Variants in CSRNP3 observed in about 807,000 individuals in gnomAD.
The protein encoded by CSRNP3 is cysteine and serine rich nuclear protein 3.
CSRNP3 carries 12 observed loss-of-function variants against 48.0 expected under a neutral mutation model. That is an observed-to-expected ratio of 0.25 (90% CI 0.16 to 0.41). CSRNP3 has a LOEUF of 0.41. Ranked by LOEUF, CSRNP3 falls within the 10% of genes least tolerant of loss-of-function variation. The pLI is 1.00. For missense variants in CSRNP3, 580 were observed against 724.4 expected (o/e 0.80, Z 2.29); for synonymous variants, 263 against 269.7 (o/e 0.98, Z 0.24).
At position 165,666,773 on chromosome 2, in the gene CSRNP3, GAGAA is replaced by G. The variant is rs775410536; in HGVS notation, c.408+8756_408+8759del. Among the ~76,000 whole-genome samples the G allele has an allele frequency of 1.6e-3, 224 of 139,990 alleles. 2 individuals are homozygous for G. The East Asian group carries it at 0.038, about 24-fold the overall frequency. 91.8% of individuals were successfully genotyped at this position (139,990 alleles called of 152,430 possible). On this transcript the variant is annotated intron_variant, in intron 5 of 6. Coordinates refer to ENST00000651982, the MANE Select transcript of CSRNP3 (RefSeq NM_001172173.2). ...GGAAGGAGAGAGAGGAAGAAAGAAAGAGAAAGGAAGGCAGGAAGGAAAGAGAGAG... is the reference window on the plus strand; with the variant it reads ...GGAAGGAGAGAGAGGAAGAAAGAAAGAGGAAGGCAGGAAGGAAAGAGAGAG...
At chr2:165,476,335 T>C (rs1683962516) in intron 1 of CSRNP3, among the ~76,000 whole-genome samples, 1 of 152,198 alleles carries the variant, frequency 6.6e-6, no homozygotes, top group Admixed American at 6.5e-5. Context: ...GGGTTTACTA[T>C]GCCTCAGGGT....
chr2:165,579,954 A>G (rs1226679617), intron 3 of CSRNP3, among the ~76,000 whole-genome samples: 3 of 118,326 alleles, frequency 2.5e-5, no homozygotes, highest in Non-Finnish European at 4.8e-5. Context: ...TTTGAGACAG[A>G]GTCTCACTCT....
At chr2:165,622,888 C>T (rs1230396990) in intron 4 of CSRNP3, among the ~76,000 whole-genome samples, 1 of 152,042 alleles carries the variant, frequency 6.6e-6, no homozygotes, top group Admixed American at 6.6e-5. Context: ...TACTAGTCTC[C>T]ATTACAGTCT....
At position 165,685,760 on chromosome 2, in the gene CSRNP3, T is replaced by G. The variant is rs1687621351; in HGVS notation, c.*6007T>G. Reference sequence around the variant, plus strand: ...TCACTGTGTCACTTTATGTCATCTCTCATAAAAGTTTCTGGCAGGACTAAA... The same window carrying G: ...TCACTGTGTCACTTTATGTCATCTCGCATAAAAGTTTCTGGCAGGACTAAA... On this transcript the variant is annotated 3_prime_UTR_variant, in exon 7 of 7. Coordinates refer to ENST00000651982, the MANE Select transcript of CSRNP3 (RefSeq NM_001172173.2). 2 of 152,082 alleles carry G rather than the reference T, an allele frequency of 1.3e-5. No homozygotes were observed. The highest frequency in any genetic ancestry group is 4.1e-4 in the South Asian group (2 of 4,832). 9.4% of individuals were successfully genotyped at this position (152,082 alleles called of 1,614,324 possible).
intron 3 of CSRNP3, among the ~76,000 whole-genome samples, chr2:165,533,507 A>G (rs924313527): frequency 1.1e-4 from 16 of 152,192 alleles, no homozygotes; most frequent in South Asian, 2.1e-4. Context: ...AAGCTGCTCC[A>G]TGCTCACATT....
intron 6 of CSRNP3, among the ~76,000 whole-genome samples, chr2:165,677,117 G>A (rs1384568357): frequency 1.3e-5 from 2 of 152,200 alleles, no homozygotes; most frequent in Admixed American, 1.3e-4. Context: ...GGCCCACTGG[G>A]TTACTTTCTT....
At chr2:165,629,567 G>T (rs1156855558) in intron 4 of CSRNP3, among the ~76,000 whole-genome samples, 1 of 152,172 alleles carries the variant, frequency 6.6e-6, no homozygotes, top group African/African-American at 2.4e-5. Context: ...GGCATCACAG[G>T]TATGCGACTT....
At chr2:165,493,996 T>C (rs921505291) in intron 1 of CSRNP3, among the ~76,000 whole-genome samples, 11 of 152,162 alleles carry the variant, frequency 7.2e-5, no homozygotes, top group African/African-American at 2.7e-4. Flanking sequence ...TAGTGATTCA[T>C]CTAAATTGAT....
intron 4 of CSRNP3, among the ~76,000 whole-genome samples, chr2:165,620,524 G>A (rs1686321737): frequency 6.6e-6 from 1 of 152,004 alleles, no homozygotes; most frequent in African/African-American, 2.4e-5. Flanking sequence ...TTAGAAATAA[G>A]GAAATGTCTA....
rs185779363 is a variant in CSRNP3, at chr2:165,586,006, C to G, written c.-23-9037C>G. On this transcript the variant is annotated intron_variant, in intron 3 of 6. Transcript: ENST00000651982. ...GTGATGGAATAAGGATCCTACGGAT[C>G]AGATGAACCCAGGACTCACAGCTCA... Among the ~76,000 whole-genome samples the G allele has an allele frequency of 4.9e-3, 742 of 152,270 alleles. 3 individuals are homozygous for G. The highest frequency in any genetic ancestry group is 0.01 in the Middle Eastern group (3 of 294).
intron 3 of CSRNP3, among the ~76,000 whole-genome samples, chr2:165,547,874 C>T (rs952956688): frequency 1.3e-5 from 2 of 152,058 alleles, no homozygotes; most frequent in East Asian, 3.9e-4. Context: ...ATAATGACCT[C>T]AAGTTACCCA....
At chr2:165,589,011 G>T (rs908573314) in intron 3 of CSRNP3, among the ~76,000 whole-genome samples, 9 of 152,216 alleles carry the variant, frequency 5.9e-5, no homozygotes, top group South Asian at 4.2e-4. Flanking sequence ...GTAATGTTTG[G>T]CACATTTTCA....
intron 1 of CSRNP3, among the ~76,000 whole-genome samples, chr2:165,485,974 A>G (rs1684107272): frequency 6.6e-6 from 1 of 152,176 alleles, no homozygotes; most frequent in African/African-American, 2.4e-5. Flanking sequence ...GCTCTGGTCT[A>G]CAGCTCCCAG....
chr2:165,657,206 C>T (rs1687019072), intron 4 of CSRNP3, among the ~76,000 whole-genome samples: 1 of 152,022 alleles, frequency 6.6e-6, no homozygotes, highest in African/African-American at 2.4e-5. Flanking sequence ...CATGGGTATC[C>T]CAGTGCTTAT....
At chr2:165,513,019 C>T (rs920865700) in intron 2 of CSRNP3, among the ~76,000 whole-genome samples, 11 of 152,054 alleles carry the variant, frequency 7.2e-5, no homozygotes, top group Middle Eastern at 3.2e-3. Context: ...GCAGGAGAAT[C>T]GCTTGAACCC....
At chr2:165,529,069 C>T (rs1176789897) in intron 3 of CSRNP3, among the ~76,000 whole-genome samples, 1 of 152,190 alleles carries the variant, frequency 6.6e-6, no homozygotes, top group Non-Finnish European at 1.5e-5. Context: ...CCCAGGAAGG[C>T]CCCCCTGCCC....
At chr2:165,505,149 A>G (rs1248487466) in intron 2 of CSRNP3, among the ~76,000 whole-genome samples, 1 of 152,126 alleles carries the variant, frequency 6.6e-6, no homozygotes, top group Non-Finnish European at 1.5e-5. Context: ...GTTTCTTGAC[A>G]AGTAAGATCT....
intron 5 of CSRNP3, among the ~76,000 whole-genome samples, chr2:165,662,709 A>C (rs1687117612): frequency 6.6e-6 from 1 of 152,176 alleles, no homozygotes; most frequent in Non-Finnish European, 1.5e-5. Context: ...ATCATACTGG[A>C]TTCTACCACC....
chr2:165,623,928 A>G (rs988511025), intron 4 of CSRNP3, among the ~76,000 whole-genome samples: 1 of 152,152 alleles, frequency 6.6e-6, no homozygotes, highest in Non-Finnish European at 1.5e-5. Context: ...AAAAGGGAGT[A>G]TCTCCTTGTC....
Sources: allele counts gnomAD v4.1 joint callset (sites outside exome capture counted in the v4.1 genomes callset), GRCh38; gene constraint gnomAD v4.1.1; transcripts MANE v1.5; gene names NCBI Gene and HGNC (gene_info 2026-07-23, HGNC 2026-07-21).